The following OXR1 variants were observed in gnomAD, a reference collection of about 807,000 sequenced individuals.
The protein encoded by OXR1 is oxidation resistance protein 1.
In OXR1, 41 loss-of-function variants were observed where a neutral mutation model predicts 104.6. The ratio of observed to expected loss-of-function variants is 0.39; its 90% CI spans 0.31 to 0.51. OXR1 has a LOEUF of 0.51. Among genes scored for constraint, OXR1 ranks in the 20% least tolerant of loss-of-function variants. The pLI is 0.77. For synonymous variants in OXR1, 348 were observed against 348.4 expected, an observed-to-expected ratio of 1.00 and a Z score of 0.01; for missense variants, 955 against 1,031.9, an observed-to-expected ratio of 0.93 and a Z score of 1.02.
intron 1 of OXR1, among the ~76,000 whole-genome samples, chr8:106,299,408 T>G (rs959004277): frequency 1.2e-4 from 19 of 152,144 alleles, no homozygotes; most frequent in African/African-American, 4.3e-4. Context: ...TGCTACAGTA[T>G]AGTAGCACAT....
intron 3 of OXR1, among the ~76,000 whole-genome samples, chr8:106,562,942 G>A (rs1816789046): frequency 6.6e-6 from 1 of 152,108 alleles, no homozygotes; most frequent in Non-Finnish European, 1.5e-5. Context: ...CCACCACCAG[G>A]CCTGCCTTAC....
chr8:106,621,798 T>C (rs1237393150), intron 3 of OXR1, among the ~76,000 whole-genome samples: 1 of 152,228 alleles, frequency 6.6e-6, no homozygotes, highest in Non-Finnish European at 1.5e-5. Flanking sequence ...TTGAAAATTA[T>C]ATTTTTCTAC....
intron 2 of OXR1, among the ~76,000 whole-genome samples, chr8:106,478,662 A>G (rs1181913812): frequency 4.0e-5 from 6 of 151,804 alleles, no homozygotes; most frequent in Non-Finnish European, 5.9e-5. Context: ...GGTAAGTTAG[A>G]GTGAGATGTC....
chr8:106,281,629 G>A (rs1179771437), intron 1 of OXR1, among the ~76,000 whole-genome samples: 2 of 151,864 alleles, frequency 1.3e-5, no homozygotes, highest in Non-Finnish European at 2.9e-5. Flanking sequence ...GTGAAACCCC[G>A]TGTTTACTAA....
intron 2 of OXR1, among the ~76,000 whole-genome samples, chr8:106,451,954 T>TA (rs1289855897): frequency 6.6e-6 from 1 of 152,156 alleles, no homozygotes; most frequent in East Asian, 1.9e-4. Context: ...AGTAGGAAGT[T>TA]AAAAACACGA....
At chr8:106,594,644 C>T (rs1819372654) in intron 3 of OXR1, among the ~76,000 whole-genome samples, 1 of 151,994 alleles carries the variant, frequency 6.6e-6, no homozygotes, top group Non-Finnish European at 1.5e-5. Flanking sequence ...AGTTTTGGCA[C>T]CTAAAAAAAT....
At chr8:106,693,143 G>C (rs924753317) in intron 7 of OXR1, among the ~76,000 whole-genome samples, 4 of 152,152 alleles carry the variant, frequency 2.6e-5, no homozygotes, top group Non-Finnish European at 5.9e-5. Flanking sequence ...TATTTCAAAA[G>C]TGTGAATAAA....
chr8:106,344,342 T>G (rs1815389341), intron 1 of OXR1, among the ~76,000 whole-genome samples: 1 of 152,170 alleles, frequency 6.6e-6, no homozygotes, highest in Non-Finnish European at 1.5e-5. Context: ...TTGTTTTGTT[T>G]TGTTTTGTTT....
intron 3 of OXR1, among the ~76,000 whole-genome samples, chr8:106,565,586 C>T (rs1817007878): frequency 6.6e-6 from 1 of 152,166 alleles, no homozygotes; most frequent in Non-Finnish European, 1.5e-5. Flanking sequence ...CTATTCCCAT[C>T]AAGCTACCAT....
intron 3 of OXR1, among the ~76,000 whole-genome samples, chr8:106,615,998 A>G (rs188492457): frequency 4.6e-5 from 7 of 151,402 alleles, no homozygotes; most frequent in Non-Finnish European, 8.8e-5. Flanking sequence ...ACTAAGGAAG[A>G]GAATGGAAAT....
chr8:106,636,974 A>C (rs967600653), intron 3 of OXR1, among the ~76,000 whole-genome samples: 3 of 152,256 alleles, frequency 2.0e-5, no homozygotes, highest in Middle Eastern at 3.4e-3. Context: ...TTCCATCCAC[A>C]AGAGCAGCTC....
intron 1 of OXR1, among the ~76,000 whole-genome samples, chr8:106,283,010 T>G (rs1213130593): frequency 6.6e-6 from 1 of 152,234 alleles, no homozygotes; most frequent in African/African-American, 2.4e-5. Flanking sequence ...CTAAAATCTT[T>G]CTTTGATTCC....
rs35095319 is a variant in OXR1, at chr8:106,691,619, C to CATATATATATATATAT, written c.526-1101_526-1086dup. Among the ~76,000 whole-genome samples the CATATATATATATATAT allele has an allele frequency of 5.0e-5, 7 of 140,970 alleles. No individual in the cohort carries two copies. The East Asian group carries it at 1.2e-3, about 25-fold the overall frequency. The allele number at this position is 140,970 out of a possible 152,430, so 92.5% of individuals were successfully genotyped here. ...ATATGACAATGTGCACATATATATACATATATATATATATATATATATACA... is the reference window on the plus strand; with the variant it reads ...ATATGACAATGTGCACATATATATACATATATATATATATATATATATATATATATATATATATACA... On this transcript the variant is annotated intron_variant, in intron 6 of 16. Transcript: ENST00000517566.
At chr8:106,736,126 C>T (rs1834344158) in intron 11 of OXR1, among the ~76,000 whole-genome samples, 1 of 151,204 alleles carries the variant, frequency 6.6e-6, no homozygotes, top group Admixed American at 6.6e-5. Context: ...TGTTTTATAA[C>T]AAAATTGATA....
chr8:106,642,974 T>C (rs1232644872), intron 3 of OXR1, among the ~76,000 whole-genome samples: 1 of 152,238 alleles, frequency 6.6e-6, no homozygotes. Context: ...TTTAGATTAA[T>C]GTGTTCAATG....
intron 3 of OXR1, among the ~76,000 whole-genome samples, chr8:106,670,954 A>G (rs1022103480): frequency 7.6e-4 from 113 of 149,522 alleles, no homozygotes; most frequent in African/African-American, 2.7e-3. Context: ...CTGAGGCACA[A>G]GAATTGCTTG....
intron 1 of OXR1, among the ~76,000 whole-genome samples, chr8:106,305,419 T>A (rs1813426689): frequency 6.6e-6 from 1 of 152,172 alleles, no homozygotes; most frequent in African/African-American, 2.4e-5. Context: ...CATTTCTAGG[T>A]AAGGCAAACA....
chr8:106,598,200 G>A lies in OXR1; in HGVS notation c.220+79061G>A, dbSNP rs142165604. ...TTGAAGCTTAGATAGGGTGAAATCC[G>A]TAATCTAGGTCAGCCTTTTCTCCCC... On this transcript the variant is annotated intron_variant, in intron 3 of 16. Transcript: ENST00000517566. Among the ~76,000 whole-genome samples the A allele has an allele frequency of 3.9e-5, 6 of 152,246 alleles. No homozygotes were observed. The East Asian group carries it at 9.7e-4, about 25-fold the overall frequency.
chr8:106,547,884 A>G (rs1341879019), intron 3 of OXR1, among the ~76,000 whole-genome samples: 2 of 152,140 alleles, frequency 1.3e-5, no homozygotes, highest in Admixed American at 6.5e-5. Flanking sequence ...CAATGGACAC[A>G]TGGGTTACTT....
Sources: gnomAD v4.1 joint callset for allele counts (sites outside exome capture counted in the v4.1 genomes callset) on GRCh38, gnomAD v4.1.1 for gene constraint, MANE v1.5 for transcripts, NCBI Gene and HGNC (gene_info 2026-07-23, HGNC 2026-07-21) for gene names.